The following POFUT4 variants were observed in gnomAD, a reference collection of about 807,000 sequenced individuals.
POFUT4 encodes the protein protein O-fucosyltransferase 4.
the POFUT4 span, chr10:73,775,419 C>A: frequency 6.2e-7 from 1 of 1,610,426 alleles, no homozygotes; most frequent in South Asian, 1.1e-5. Context: ...CCTTTCACAG[C>A]AGTCTTGTCC....
the POFUT4 span, chr10:73,772,663 A>G: frequency 6.4e-7 from 1 of 1,556,992 alleles, no homozygotes; most frequent in Non-Finnish European, 8.7e-7. Flanking sequence ...GGAACCGCCG[A>G]GCGCTGAGGG....
chr10:73,772,903 GCGC>G, the POFUT4 span: 8 of 1,611,490 alleles, frequency 5.0e-6, no homozygotes, highest in African/African-American at 1.1e-4. Flanking sequence ...CCGCCTATCT[GCGC>G]CGCCCGGTGC....
the POFUT4 span, chr10:73,780,056 A>G: frequency 4.6e-5 from 7 of 152,236 alleles, no homozygotes; most frequent in Non-Finnish European, 1.0e-4. Flanking sequence ...AAGCAACATG[A>G]ATCTTCTGAT....
the POFUT4 span, chr10:73,775,594 C>A: frequency 6.2e-7 from 1 of 1,614,174 alleles, no homozygotes; most frequent in South Asian, 1.1e-5. Flanking sequence ...CAGGGGGAAG[C>A]TCTCACTGCC....
chr10:73,775,784 G>A, the POFUT4 span: 1 of 1,209,272 alleles, frequency 8.3e-7, no homozygotes, highest in Non-Finnish European at 1.2e-6. Context: ...AATGAACACT[G>A]TCTTTTCATG....
the POFUT4 span, chr10:73,773,158 C>G: frequency 1.3e-6 from 2 of 1,570,150 alleles, no homozygotes; most frequent in Admixed American, 1.8e-5. Context: ...CAGGGCCGCA[C>G]CCTCATGACA....
chr10:73,774,728 T>C, the POFUT4 span: 3 of 153,142 alleles, frequency 2.0e-5, no homozygotes, highest in African/African-American at 7.3e-5. Context: ...CAATGCACAA[T>C]GCGCATCAGA....
chr10:73,773,574 C>G, the POFUT4 span: 1 of 1,614,286 alleles, frequency 6.2e-7, no homozygotes, highest in African/African-American at 1.3e-5. Flanking sequence ...CCAATTTCTT[C>G]TGGATAGTCT....
At chr10:73,773,511 G>T in the POFUT4 span, 4 of 1,614,256 alleles carry the variant, frequency 2.5e-6, no homozygotes, top group Non-Finnish European at 3.4e-6. Flanking sequence ...GGACAAGAAT[G>T]ATGAGGAGTA....
chr10:73,773,090 GCCAGGA>G, the POFUT4 span: 7 of 1,515,320 alleles, frequency 4.6e-6, no homozygotes, highest in African/African-American at 2.8e-5. Context: ...GCGGGTTGAG[GCCAGGA>G]CTCCAGGTGT....
At chr10:73,773,858 T>A in the POFUT4 span, 1 of 1,511,608 alleles carries the variant, frequency 6.6e-7, no homozygotes, top group Non-Finnish European at 8.8e-7. Context: ...ATCATTTACT[T>A]ACTTGCTTAC....
the POFUT4 span, chr10:73,773,766 G>A: frequency 1.2e-6 from 2 of 1,605,300 alleles, no homozygotes; most frequent in Middle Eastern, 1.7e-4. Flanking sequence ...GGACTGCCCA[G>A]TGCCCACACC....
chr10:73,772,326 G>C, the POFUT4 span: 1 of 1,442,340 alleles, frequency 6.9e-7, no homozygotes, highest in Non-Finnish European at 9.1e-7. Context: ...CCGGCTGCCG[G>C]AGTGGACATG....
At chr10:73,773,856 C>G in the POFUT4 span, 1 of 1,511,834 alleles carries the variant, frequency 6.6e-7, no homozygotes, top group African/African-American at 1.4e-5. Context: ...AAATCATTTA[C>G]TTACTTGCTT....
the POFUT4 span, chr10:73,772,674 A>G: frequency 5.5e-5 from 86 of 1,558,480 alleles, no homozygotes; most frequent in Non-Finnish European, 7.2e-5. Flanking sequence ...GCGCTGAGGG[A>G]CTCGCGGACG....
chr10:73,772,418 G>A, the POFUT4 span: 4 of 1,572,548 alleles, frequency 2.5e-6, no homozygotes, highest in Non-Finnish European at 1.7e-6. Context: ...GTCCGTAGCG[G>A]AGAGGGAGGC....
At chr10:73,778,745 GTTC>G in the POFUT4 span, 1 of 152,138 alleles carries the variant, frequency 6.6e-6, no homozygotes, top group Non-Finnish European at 1.5e-5. Context: ...TGCCAAAGTT[GTTC>G]TTTTTTCATT....
chr10:73,774,102 G>A, the POFUT4 span: 1 of 349,202 alleles, frequency 2.9e-6, no homozygotes. Context: ...TGCAGACAGG[G>A]GAGAGAGAAA....
chr10:73,777,047 A>G, the POFUT4 span, among the ~76,000 whole-genome samples: 10 of 152,288 alleles, frequency 6.6e-5, no homozygotes, highest in East Asian at 1.9e-3. Context: ...TCTGATGGAA[A>G]TACAGAAACC....
Sources: gnomAD v4.1 joint callset for allele counts (sites outside exome capture counted in the v4.1 genomes callset) on GRCh38, gnomAD v4.1.1 for gene constraint, MANE v1.5 for transcripts, NCBI Gene and HGNC (gene_info 2026-07-23, HGNC 2026-07-21) for gene names.